Variants in OR52N2 observed in about 807,000 individuals in gnomAD.
OR52N2 encodes olfactory receptor family 52 subfamily N member 2.
For missense variants in OR52N2, 326 were observed against 196.6 expected (o/e 1.66, Z -3.94); for synonymous variants, 129 against 72.0 (o/e 1.79, Z -4.01).
chr11:5,814,494 C>T (rs1846387130), intron 1 of OR52N2, among the ~76,000 whole-genome samples: 1 of 151,302 alleles, frequency 6.6e-6, no homozygotes, highest in Non-Finnish European at 1.5e-5. Flanking sequence ...TCCTAATTTC[C>T]TTTCAGATTG....
intron 1 of OR52N2, among the ~76,000 whole-genome samples, chr11:5,809,551 A>C (rs1044894635): frequency 6.6e-6 from 1 of 152,154 alleles, no homozygotes; most frequent in Non-Finnish European, 1.5e-5. Context: ...GTAACTAAGG[A>C]AAAGGAAAGT....
Position 5,820,439 on chromosome 11 carries a change from T to C in OR52N2, c.104T>C (p.Phe35Ser). Residue 35 changes from phenylalanine (F) to serine (S), a missense_variant, in exon 2 of 2, where the codon TTT (phenylalanine) becomes TCT (serine). Phe to Ser is a radical substitution (Grantham distance 155). Transcript: ENST00000317037. ...ATCTGGATCTCCCTGCCATTCTGCT[T>C]TATGTACATCATTGCTGTCGTGGGG... ...THIWISLPFCFMYIIAVVGNC... is the reference protein window; with the variant it reads ...THIWISLPFCSMYIIAVVGNC... 1.3e-6 allele frequency: 1 copy of C among 780,828 alleles called. No homozygotes were observed. The allele number at this position is 780,828 out of a possible 1,614,324, so 48.4% of individuals were successfully genotyped here.
intron 1 of OR52N2, among the ~76,000 whole-genome samples, chr11:5,819,816 A>C (rs974953156): frequency 6.6e-6 from 1 of 152,202 alleles, no homozygotes; most frequent in African/African-American, 2.4e-5. Flanking sequence ...AAAAGTGCTA[A>C]TATTTGAGAT....
Position 5,820,982 on chromosome 11 carries a change from T to A in OR52N2, c.647T>A (p.Ile216Asn), listed in dbSNP as rs1432458876. 1 of 781,110 alleles carries A rather than the reference T, an allele frequency of 1.3e-6. No individual in the cohort carries two copies. 48.4% of individuals were successfully genotyped at this position (781,110 alleles called of 1,614,324 possible). The part of the protein sequence containing the change: ...LLIGVFDICC[I>N]SVSYTMILQA... ...ATTGGTGTGTTTGATATCTGCTGTATCTCTGTATCTTACACTATGATTTTG... is the reference window on the plus strand; with the variant it reads ...ATTGGTGTGTTTGATATCTGCTGTAACTCTGTATCTTACACTATGATTTTG... Residue 216 changes from isoleucine to asparagine, a missense_variant, in exon 2 of 2, where the codon ATC (isoleucine) becomes AAC (asparagine). Transcript: ENST00000317037.
At chr11:5,809,843 C>A (rs1432445478) in intron 1 of OR52N2, among the ~76,000 whole-genome samples, 1 of 152,110 alleles carries the variant, frequency 6.6e-6, no homozygotes, top group African/African-American at 2.4e-5. Flanking sequence ...TTTCTGCCTT[C>A]CTTTTGTTAT....
intron 1 of OR52N2, among the ~76,000 whole-genome samples, chr11:5,815,214 A>G (rs931696631): frequency 6.6e-6 from 1 of 152,190 alleles, no homozygotes. Flanking sequence ...AACAAAAGAA[A>G]AAAACAGATA....
At chr11:5,809,437 G>A (rs1846334414) in intron 1 of OR52N2, among the ~76,000 whole-genome samples, 1 of 152,130 alleles carries the variant, frequency 6.6e-6, no homozygotes, top group Non-Finnish European at 1.5e-5. Context: ...CAGTGGTGAG[G>A]CATGTGAGAT....
chr11:5,814,531 C>T (rs932807845), intron 1 of OR52N2, among the ~76,000 whole-genome samples: 1 of 151,752 alleles, frequency 6.6e-6, no homozygotes, highest in African/African-American at 2.4e-5. Context: ...AAGCAAGAAA[C>T]TTATATAATT....
intron 1 of OR52N2, among the ~76,000 whole-genome samples, chr11:5,810,920 A>G (rs1203436985): frequency 6.6e-6 from 1 of 152,136 alleles, no homozygotes; most frequent in Admixed American, 6.5e-5. Flanking sequence ...AGAGACAATG[A>G]AAAGGTTTAA....
chr11:5,809,566 T>C (rs1226100527), intron 1 of OR52N2, among the ~76,000 whole-genome samples: 1 of 151,702 alleles, frequency 6.6e-6, no homozygotes, highest in Non-Finnish European at 1.5e-5. Context: ...GAAAGTTGAG[T>C]TTGAGAACAA....
chr11:5,815,187 A>C (rs972985668), intron 1 of OR52N2, among the ~76,000 whole-genome samples: 2 of 152,184 alleles, frequency 1.3e-5, no homozygotes, highest in Non-Finnish European at 2.9e-5. Context: ...AATGACACTA[A>C]AGGCACAGGC....
At chr11:5,812,046 G>A (rs1846364767) in intron 1 of OR52N2, among the ~76,000 whole-genome samples, 3 of 152,118 alleles carry the variant, frequency 2.0e-5, no homozygotes, top group Non-Finnish European at 4.4e-5. Context: ...ACATAGAGAG[G>A]GAAACAACAC....
Position 5,821,234 on chromosome 11 carries a change from A to C in OR52N2, c.899A>C (p.Lys300Thr), listed in dbSNP as rs778865205. 1 of 780,952 alleles carries C rather than the reference A, an allele frequency of 1.3e-6. No homozygotes were observed. Among genetic ancestry groups the C allele is most frequent in the East Asian group, 2.4e-5 (1 of 41,242 alleles). 48.4% of individuals were successfully genotyped at this position (780,952 alleles called of 1,614,324 possible). A position where few individuals can be genotyped will look rare whatever the true frequency, so the allele number is the denominator to read the frequency against. Residue 300 changes from lysine (K) to threonine (T), a missense_variant, in exon 2 of 2, where the codon AAG (lysine) becomes ACG (threonine). Lys to Thr is a moderately conservative substitution (Grantham distance 78). Coordinates refer to ENST00000317037, the MANE Select transcript of OR52N2 (RefSeq NM_001005174.3). ...CCAATTGTTTATGGAGTCAAGACCA[A>C]GCAGATTCAGGAAGGTGTAATTAAA... The part of the protein sequence containing the change: ...MNPIVYGVKT[K>T]QIQEGVIKFL...
intron 1 of OR52N2, among the ~76,000 whole-genome samples, chr11:5,812,906 CAAT>C (rs1380090491): frequency 2.0e-5 from 3 of 151,214 alleles, no homozygotes; most frequent in South Asian, 2.1e-4. Context: ...AACTAGAAGC[CAAT>C]AATAAGAGGA....
chr11:5,810,042 G>A (rs956459075), intron 1 of OR52N2, among the ~76,000 whole-genome samples: 4 of 152,192 alleles, frequency 2.6e-5, no homozygotes, highest in South Asian at 4.1e-4. Flanking sequence ...CATTCTTCTT[G>A]TCATAACTCA....
chr11:5,812,556 A>C (rs545374555), intron 1 of OR52N2, among the ~76,000 whole-genome samples: 1 of 151,876 alleles, frequency 6.6e-6, no homozygotes, highest in Admixed American at 6.6e-5. Context: ...AAAGGTAATT[A>C]TATATTGATA....
intron 1 of OR52N2, among the ~76,000 whole-genome samples, chr11:5,813,739 C>T (rs914877978): frequency 1.3e-5 from 2 of 152,046 alleles, no homozygotes; most frequent in East Asian, 1.9e-4. Flanking sequence ...AAACAATAGG[C>T]CAATATCCTG....
rs12363855 is a variant in OR52N2 at position 5,808,956 on chromosome 11, G to C, written c.-153G>C. Among the ~76,000 whole-genome samples the C allele has an allele frequency of 0.11, 16,195 of 151,714 alleles. 1,079 individuals carry two copies. The highest frequency in any genetic ancestry group is 0.25 in the East Asian group (1,267 of 5,098). ...GCGGTATTGCAAGCCTCTCCTCCTC[G>C]CGTTGCTGAGAGTCCGAGTTTATTC... On this transcript the variant is annotated 5_prime_UTR_variant, in exon 1 of 2. Transcript: ENST00000317037.
intron 1 of OR52N2, among the ~76,000 whole-genome samples, chr11:5,813,572 A>G (rs191458538): frequency 3.3e-5 from 5 of 152,192 alleles, no homozygotes; most frequent in African/African-American, 1.2e-4. Context: ...CAGGACATGG[A>G]GGCTTCACTG....
Sources: allele counts gnomAD v4.1 joint callset (sites outside exome capture counted in the v4.1 genomes callset), GRCh38; gene constraint gnomAD v4.1.1; transcripts MANE v1.5; gene names NCBI Gene and HGNC (gene_info 2026-07-23, HGNC 2026-07-21).